SUCO: variants seen among roughly 807,000 people sequenced by gnomAD.
SUCO encodes the protein SUN domain-containing ossification factor.
In SUCO, 57 loss-of-function variants were observed where a neutral mutation model predicts 148.1. The ratio of observed to expected loss-of-function variants is 0.38; its 90% CI spans 0.31 to 0.48. The LOEUF (loss-of-function observed/expected upper bound fraction) is 0.48, where lower values mean the gene tolerates loss of function less well. Ranked by LOEUF, SUCO falls within the 20% of genes least tolerant of loss-of-function variation. The probability of loss-of-function intolerance (pLI) is 0.96; values close to 1 mark genes in which losing one functional copy is unlikely to be tolerated. For missense variants in SUCO, 1,331 were observed against 1,468.2 expected (o/e 0.91, Z 1.53); for synonymous variants, 470 against 502.7 (o/e 0.93, Z 0.87).
At position 172,568,381 on chromosome 1, in the gene SUCO, A is replaced by G. The variant is rs560159972; in HGVS notation, c.733-638A>G. The G allele has an allele frequency of 1.2e-4, 116 of 930,348 alleles. 2 individuals carry two copies. The Middle Eastern group carries it at 2.7e-3, about 22-fold the overall frequency. The allele number at this position is 930,348 out of a possible 1,614,324, so 57.6% of individuals were successfully genotyped here. A position where few individuals can be genotyped will look rare whatever the true frequency, so the allele number is the denominator to read the frequency against. ...TAATAATTCTTTGTTGACTGAATGT[A>G]TTGCAGATACTTCTCTCAGTGTGTG... On this transcript the variant is annotated intron_variant, in intron 6 of 23. Coordinates refer to ENST00000263688, the MANE Select transcript of SUCO (RefSeq NM_014283.5).
Position 172,610,421 on chromosome 1 carries a change from C to T in SUCO, c.*162C>T, listed in dbSNP as rs1658145284. The T allele has an allele frequency of 1.8e-6, 2 of 1,134,964 alleles. No individual in the cohort carries two copies. The highest frequency in any genetic ancestry group is 3.5e-5 in the Admixed American group (1 of 28,942). The allele number at this position is 1,134,964 out of a possible 1,614,324, so 70.3% of individuals were successfully genotyped here. ...AAAAAGTAGATGGGATTGTGTCAAT[C>T]TTGGTTAATGAGCTACAGTTTTACA... is the stretch of plus-strand genomic sequence containing the variant. On this transcript the variant is annotated 3_prime_UTR_variant, in exon 24 of 24. Transcript: ENST00000263688.
chr1:172,599,097 C>T (rs1370783849), intron 19 of SUCO, among the ~76,000 whole-genome samples: 1 of 152,136 alleles, frequency 6.6e-6, no homozygotes, highest in Non-Finnish European at 1.5e-5. Flanking sequence ...TCGTTTCCTC[C>T]TCCCTAACTT....
intron 21 of SUCO, 103 bp downstream of exon 21, chr1:172,602,321 C>T: frequency 3.6e-6 from 5 of 1,386,086 alleles, no homozygotes; most frequent in Non-Finnish European, 4.7e-6. Flanking sequence ...AATTTCTTTC[C>T]CTATATGATT....
chr1:172,586,402 TC>T (rs1387479186), intron 17 of SUCO, among the ~76,000 whole-genome samples: 1 of 152,182 alleles, frequency 6.6e-6, no homozygotes, highest in Non-Finnish European at 1.5e-5. Flanking sequence ...TCTTAACTGT[TC>T]CATTTCTCTG....
intron 17 of SUCO, chr1:172,588,158 T>A: frequency 1.0e-6 from 1 of 985,310 alleles, no homozygotes; most frequent in Non-Finnish European, 1.2e-6. Context: ...TAGATAATCC[T>A]ATGTGTGTAG....
intron 6 of SUCO, among the ~76,000 whole-genome samples, chr1:172,559,244 T>C (rs534560515): frequency 6.6e-6 from 1 of 152,338 alleles, no homozygotes; most frequent in East Asian, 1.9e-4. Context: ...GTGATTTTTA[T>C]TGTATTTGTT....
intron 9 of SUCO, among the ~76,000 whole-genome samples, chr1:172,572,174 C>G (rs886619431): frequency 7.0e-6 from 1 of 142,738 alleles, no homozygotes; most frequent in African/African-American, 2.5e-5. Flanking sequence ...CCCCTCTACC[C>G]AGCCACCACC....
At chr1:172,591,178 A>T in intron 19 of SUCO, 107 bp downstream of exon 19, 1 of 787,110 alleles carries the variant, frequency 1.3e-6, no homozygotes, top group South Asian at 2.1e-5. Context: ...TCCCCCTGCT[A>T]GCTGGTGTTT....
At chr1:172,532,774 G>A (rs1558162940), upstream of SUCO, 7 of 1,612,292 alleles carry the variant, frequency 4.3e-6, no homozygotes, top group Non-Finnish European at 5.9e-6. Flanking sequence ...GCCCTTGCGC[G>A]GACTCAGCGC....
At chr1:172,590,857 G>T in intron 18 of SUCO, 127 bp from the exon 19 acceptor site, 1 of 642,800 alleles carries the variant, frequency 1.6e-6, no homozygotes, top group Non-Finnish European at 2.7e-6. Context: ...GTATTGCATA[G>T]GCCTGAATAA....
In SUCO at chr1:172,578,414, G is replaced by A. The variant is rs202150625; in HGVS notation, c.1432+25G>A. 2.5e-6 allele frequency: 4 copies of A among 1,587,120 alleles called. No individual in the cohort carries two copies. The African/African-American group carries it at 4.0e-5, about 16-fold the overall frequency. On this transcript the variant is annotated intron_variant, in intron 14 of 23. Transcript: ENST00000263688. ...GGTAAGTGACATCAAACAGATGACT[G>A]TTAGGTATATTTTTTTTACTTTTTA...
At chr1:172,561,269 A>T (rs1274029665) in intron 6 of SUCO, among the ~76,000 whole-genome samples, 1 of 152,120 alleles carries the variant, frequency 6.6e-6, no homozygotes. Flanking sequence ...AATGGTGGGG[A>T]GGTTCAGGTG....
At chr1:172,600,709 T>C (rs1276927257) in intron 20 of SUCO, among the ~76,000 whole-genome samples, 1 of 151,270 alleles carries the variant, frequency 6.6e-6, no homozygotes, top group Non-Finnish European at 1.5e-5. Flanking sequence ...TGTGTGTGTG[T>C]GTGTGTGTGT....
intron 22 of SUCO, 40 bp downstream of exon 22, chr1:172,602,827 G>T: frequency 6.7e-7 from 1 of 1,496,800 alleles, no homozygotes; most frequent in South Asian, 1.2e-5. Flanking sequence ...ATATAAACAT[G>T]AAACTAGCTT....
At chr1:172,559,740 G>C (rs913714921) in intron 6 of SUCO, among the ~76,000 whole-genome samples, 7 of 152,168 alleles carry the variant, frequency 4.6e-5, no homozygotes, top group African/African-American at 1.4e-4. Context: ...CAGTTGTTAT[G>C]GGAAGGGGTA....
rs1651724051 is a variant in SUCO at position 172,533,186 on chromosome 1, G to A, written c.-250G>A. 9 of 1,497,066 alleles carry A rather than the reference G, an allele frequency of 6.0e-6. No individual in the cohort carries two copies. The highest frequency in any genetic ancestry group is 8.0e-6 in the Non-Finnish European group (9 of 1,124,294). 92.7% of individuals were successfully genotyped at this position (1,497,066 alleles called of 1,614,324 possible). On this transcript the variant is annotated 5_prime_UTR_variant, in exon 1 of 24. Coordinates refer to ENST00000263688, the MANE Select transcript of SUCO (RefSeq NM_014283.5). ...GTGGCGGCTGCAGGAGGCGGGCGTG[G>A]ACGAGCCGGTGGCTGCAGCGGCGGC...
intron 15 of SUCO, among the ~76,000 whole-genome samples, chr1:172,580,463 C>T (rs906090536): frequency 6.6e-6 from 1 of 152,114 alleles, no homozygotes; most frequent in Non-Finnish European, 1.5e-5. Flanking sequence ...GTCTTATTCA[C>T]TGCTATGTGA....
chr1:172,553,345 A>C lies in SUCO; in HGVS notation c.263A>C (p.Lys88Thr), dbSNP rs1210573729. Residue 88 changes from lysine to threonine, a missense_variant, in exon 3 of 24, where the codon AAA becomes ACA. This residue lies in a region of SUCO where 992 missense variants were observed against 1,093.5 expected (regional missense o/e 0.91). Coordinates refer to ENST00000263688, the MANE Select transcript of SUCO (RefSeq NM_014283.5). ...LPISPKEHKLKDDSIVDVQNT... is the reference protein window; with the variant it reads ...LPISPKEHKLTDDSIVDVQNT... ...ATTTCTCCAAAAGAACATAAATTAA[A>C]AGATGATTCTATTGTGGATGTACAA... 3 of 1,602,858 alleles carry C rather than the reference A, an allele frequency of 1.9e-6. No homozygotes were observed. The South Asian group carries it at 3.3e-5, about 18-fold the overall frequency.
intron 17 of SUCO, chr1:172,588,316 C>G: frequency 1.0e-6 from 1 of 985,278 alleles, no homozygotes; most frequent in Non-Finnish European, 1.2e-6. Context: ...ATCCTAGATT[C>G]TAGTTTTAGC....
Sources: gnomAD v4.1 joint callset for allele counts (sites outside exome capture counted in the v4.1 genomes callset) on GRCh38, gnomAD v4.1.1 for gene constraint, gnomAD v4.1.1 regional missense constraint, MANE v1.5 for transcripts, NCBI Gene and HGNC (gene_info 2026-07-23, HGNC 2026-07-21) for gene names.